COPB2: variants seen among roughly 807,000 people sequenced by gnomAD.
COPB2 encodes coatomer subunit beta'.
In COPB2, 16 loss-of-function variants were observed where a neutral mutation model predicts 120.8. The observed-to-expected ratio is 0.13, with a 90% confidence interval of 0.09 to 0.20. The LOEUF is 0.20. Among genes scored for constraint, COPB2 ranks in the 10% least tolerant of loss-of-function variants. The probability of loss-of-function intolerance (pLI) is 1.00; values close to 1 mark genes in which losing one functional copy is unlikely to be tolerated. For synonymous variants in COPB2, 332 were observed against 366.3 expected (o/e 0.91, Z 1.07); for missense variants, 794 against 1,076.5 (o/e 0.74, Z 3.67).
chr3:139,378,314 C>G (rs111730911), intron 4 of COPB2, 125 bp from the exon 5 acceptor site: 1 of 896,322 alleles, frequency 1.1e-6, no homozygotes, highest in Non-Finnish European at 1.5e-6. Flanking sequence ...GAAATAGAAT[C>G]AAAACCAAAT....
At chr3:139,361,376 G>C in intron 16 of COPB2, 81 bp from the exon 17 acceptor site, 1 of 1,356,054 alleles carries the variant, frequency 7.4e-7, no homozygotes, top group Non-Finnish European at 1.0e-6. Context: ...TAACTGTGCA[G>C]ACAATGTTTA....
At chr3:139,372,034 G>A (rs1366851323) in intron 9 of COPB2, among the ~76,000 whole-genome samples, 1 of 152,148 alleles carries the variant, frequency 6.6e-6, no homozygotes, top group East Asian at 1.9e-4. Flanking sequence ...AAATTGAAAA[G>A]GAAATTATGA....
At chr3:139,388,678 T>A (rs1576382838) in intron 1 of COPB2, among the ~76,000 whole-genome samples, 2 of 146,096 alleles carry the variant, frequency 1.4e-5, no homozygotes, top group African/African-American at 5.1e-5. Context: ...CAGGCTGGAG[T>A]GCAGTGGTGC....
intron 9 of COPB2, 76 bp downstream of exon 9, chr3:139,373,137 G>A: frequency 2.1e-6 from 3 of 1,413,674 alleles, no homozygotes; most frequent in South Asian, 2.3e-5. Flanking sequence ...CAACCACAGG[G>A]CAAGAGTGGA....
chr3:139,372,155 T>C (rs146484998), intron 9 of COPB2, among the ~76,000 whole-genome samples: 125 of 152,348 alleles, frequency 8.2e-4, no homozygotes, highest in African/African-American at 2.9e-3. Context: ...ATTCCAATTA[T>C]TCAACCAGTA....
intron 4 of COPB2, 79 bp from the exon 5 acceptor site, chr3:139,378,268 C>G (rs1295052353): frequency 7.6e-7 from 1 of 1,322,772 alleles, no homozygotes; most frequent in African/African-American, 1.4e-5. Flanking sequence ...TTAGAAGAAG[C>G]AAACCTAACA....
At chr3:139,377,802 T>C (rs1346328299) in intron 5 of COPB2, among the ~76,000 whole-genome samples, 1 of 152,264 alleles carries the variant, frequency 6.6e-6, no homozygotes, top group African/African-American at 2.4e-5. Context: ...AAAAAATTTT[T>C]ATAACATGCT....
chr3:139,357,743 A>G lies in COPB2; in HGVS notation c.*120T>C. 2 of 531,682 alleles carry G rather than the reference A, an allele frequency of 3.8e-6. No homozygotes were observed. Among genetic ancestry groups the G allele is most frequent in the Middle Eastern group, 4.8e-4 (1 of 2,066 alleles). The allele number at this position is 531,682 out of a possible 1,614,324, so 32.9% of individuals were successfully genotyped here. ...GGGCATTGTGCTCCCAGTGGTCCACAGCATTTACATATAAAAATCTAAGAA... is the reference window on the plus strand; with the variant it reads ...GGGCATTGTGCTCCCAGTGGTCCACGGCATTTACATATAAAAATCTAAGAA... On this transcript the variant is annotated 3_prime_UTR_variant, in exon 22 of 22. Transcript: ENST00000333188.
intron 20 of COPB2, chr3:139,358,514 T>C: frequency 1.7e-6 from 1 of 598,752 alleles, no homozygotes; most frequent in East Asian, 2.8e-5. Context: ...CTGTCTCTAA[T>C]AAAAATACAA....
At chr3:139,374,993 T>C (rs556045086) in intron 6 of COPB2, among the ~76,000 whole-genome samples, 15 of 152,326 alleles carry the variant, frequency 9.8e-5, no homozygotes, top group African/African-American at 3.6e-4. Flanking sequence ...AAGGAAAAAC[T>C]GACTTTCTAG....
At chr3:139,358,151 G>A (rs1263751491) in intron 21 of COPB2, 49 bp downstream of exon 21, 1 of 1,488,874 alleles carries the variant, frequency 6.7e-7, no homozygotes, top group Non-Finnish European at 9.4e-7. Flanking sequence ...AGATATTGAT[G>A]GGGAGGAAGA....
In COPB2 at chr3:139,359,478, AT is replaced by A. The variant is rs1431379185; in HGVS notation, c.2211-117del. On this transcript the variant is annotated intron_variant, in intron 17 of 21. Coordinates refer to ENST00000333188, the MANE Select transcript of COPB2 (RefSeq NM_004766.3). ...AAAAATCTCCCCAATCTTCACACATATATCTCATTTCTGTCACTTGTCTTTT... is the reference window on the plus strand; with the variant it reads ...AAAAATCTCCCCAATCTTCACACATAATCTCATTTCTGTCACTTGTCTTTT... 3.0e-5 allele frequency: 25 copies of A among 836,932 alleles called. No homozygotes were observed. The East Asian group carries it at 5.8e-4, about 19-fold the overall frequency. The allele number at this position is 836,932 out of a possible 1,614,324, so 51.8% of individuals were successfully genotyped here.
chr3:139,378,127 C>A lies in COPB2; in HGVS notation c.418G>T (p.Gly140Ter). 1 of 1,590,494 alleles carries A rather than the reference C, an allele frequency of 6.3e-7. No homozygotes were observed. Among genetic ancestry groups the A allele is most frequent in the Non-Finnish European group, 8.6e-7 (1 of 1,162,912 alleles). ...KKWSCSQVFE[G>*]HTHYVMQIVI... ...ATCTGCATAACATAATGGGTGTGTC[C>A]TTCAAACACTTGTGAGCAAGACCAT... The change falls in exon 5 of 22, where the codon GGA becomes TGA. Residue 140 changes from glycine to a stop codon, truncating the protein, a stop_gained. Coordinates refer to ENST00000333188, the MANE Select transcript of COPB2 (RefSeq NM_004766.3). LOFTEE classifies it high-confidence loss of function.
intron 17 of COPB2, among the ~76,000 whole-genome samples, chr3:139,360,207 A>T (rs890533685): frequency 6.9e-6 from 1 of 145,752 alleles, no homozygotes; most frequent in South Asian, 2.2e-4. Flanking sequence ...AAAAAAAAAA[A>T]TCAGTATGTA....
intron 2 of COPB2, chr3:139,381,915 A>AACAC (rs67888637): frequency 1.3e-5 from 2 of 149,486 alleles, no homozygotes; most frequent in Non-Finnish European, 3.0e-5. Context: ...CAAAAAAAAA[A>AACAC]AGTTATTTGC....
chr3:139,388,549 T>A (rs555262901), intron 1 of COPB2, among the ~76,000 whole-genome samples: 15 of 152,074 alleles, frequency 9.9e-5, no homozygotes, highest in South Asian at 2.1e-4. Flanking sequence ...TTTAAAAAAA[T>A]TTTTTAACTT....
At chr3:139,369,027 C>T (rs939225080) in intron 12 of COPB2, among the ~76,000 whole-genome samples, 3 of 152,222 alleles carry the variant, frequency 2.0e-5, no homozygotes, top group Non-Finnish European at 4.4e-5. Flanking sequence ...GGCACTGCCA[C>T]TTACCTCCAA....
At position 139,383,435 on chromosome 3, in the gene COPB2, G is replaced by A; in HGVS notation, c.4C>T (p.Pro2Ser). 1 of 1,537,094 alleles carries A rather than the reference G, an allele frequency of 6.5e-7. No homozygotes were observed. Among genetic ancestry groups the A allele is most frequent in the African/African-American group, 1.4e-5 (1 of 71,726 alleles). Reference protein sequence around the residue: MPLRLDIKRKLT... With the variant: MSLRLDIKRKLT... ...TTTCTTTTGATATCAAGTCGCAGAG[G>A]CTAAAAAGAAACATTAAAAAAATTA... Residue 2 changes from proline to serine, a missense_variant and splice_region_variant, in exon 2 of 22, where the codon CCT (proline) becomes TCT (serine). By Grantham distance (74) the Pro-to-Ser change is moderately conservative (BLOSUM62 -1). Coordinates refer to ENST00000333188, the MANE Select transcript of COPB2 (RefSeq NM_004766.3).
At chr3:139,374,290 AATG>A (rs1941677335) in intron 7 of COPB2, 196 bp downstream of exon 7, 1 of 529,686 alleles carries the variant, frequency 1.9e-6, no homozygotes, top group African/African-American at 2.1e-5. Flanking sequence ...AATACATGAG[AATG>A]ATGACGATGA....
Sources: gnomAD v4.1 joint callset for allele counts (sites outside exome capture counted in the v4.1 genomes callset) on GRCh38, gnomAD v4.1.1 for gene constraint, MANE v1.5 for transcripts, NCBI Gene and HGNC (gene_info 2026-07-23, HGNC 2026-07-21) for gene names.